The following CD2AP variants were observed in gnomAD, a reference collection of about 807,000 sequenced individuals.
CD2AP encodes CD2-associated protein.
In CD2AP, 46 loss-of-function variants were observed where a neutral mutation model predicts 85.1. The ratio of observed to expected loss-of-function variants is 0.54; its 90% CI spans 0.43 to 0.69. The LOEUF is 0.69. Ranked by LOEUF, CD2AP falls within the 30% of genes least tolerant of loss-of-function variation. The probability of loss-of-function intolerance (pLI) is 0.00; values close to 1 mark genes in which losing one functional copy is unlikely to be tolerated. For synonymous variants in CD2AP, 255 were observed against 252.9 expected, an observed-to-expected ratio of 1.01 and a Z score of -0.08; for missense variants, 769 against 729.5, an observed-to-expected ratio of 1.05 and a Z score of -0.62.
chr6:47,601,527 G>A (rs549857464), intron 13 of CD2AP, among the ~76,000 whole-genome samples: 1 of 151,946 alleles, frequency 6.6e-6, no homozygotes, highest in African/African-American at 2.4e-5. Context: ...ATCCTCAGTC[G>A]TGTTTTAGGC....
rs1768934035 is a variant in CD2AP at position 47,596,023 on chromosome 6, C to G, written c.1271C>G (p.Ala424Gly). The change falls in exon 12 of 18, where the codon GCC becomes GGC. Residue 424 changes from alanine (A) to glycine (G), a missense_variant. Physicochemically the swap from Ala to Gly is moderately conservative, Grantham distance 60 (BLOSUM62 0). Coordinates refer to ENST00000359314, the MANE Select transcript of CD2AP (RefSeq NM_012120.3). Reference sequence around the variant, plus strand: ...CCAGTTCCTCCACCACCTCCTATAGCCAAGTAAGTTTTACCTAATTTTAAA... The same window carrying G: ...CCAGTTCCTCCACCACCTCCTATAGGCAAGTAAGTTTTACCTAATTTTAAA... ...EKPVPPPPPI[A>G]KINGEVSSIS... The G allele has an allele frequency of 6.2e-7, 1 of 1,610,308 alleles. No homozygotes were observed. Among genetic ancestry groups the G allele is most frequent in the African/African-American group, 1.3e-5 (1 of 74,784 alleles).
At chr6:47,591,873 G>T (rs1768805174) in intron 11 of CD2AP, among the ~76,000 whole-genome samples, 1 of 152,104 alleles carries the variant, frequency 6.6e-6, no homozygotes, top group Admixed American at 6.6e-5. Flanking sequence ...TGTTGCCCAG[G>T]CTGGAGTGCA....
chr6:47,590,680 C>T (rs1337385295), intron 11 of CD2AP, among the ~76,000 whole-genome samples: 2 of 152,060 alleles, frequency 1.3e-5, no homozygotes, highest in Non-Finnish European at 2.9e-5. Flanking sequence ...AGCACCAATC[C>T]TCTGTATATA....
intron 17 of CD2AP, among the ~76,000 whole-genome samples, chr6:47,615,781 T>A (rs1001962544): frequency 1.0e-5 from 1 of 99,380 alleles, no homozygotes; most frequent in African/African-American, 3.2e-5. Flanking sequence ...ATTTTAATTT[T>A]AATTTAATTT....
chr6:47,595,766 C>T, intron 11 of CD2AP, 95 bp from the exon 12 acceptor site: 1 of 945,472 alleles, frequency 1.1e-6, no homozygotes, highest in South Asian at 1.4e-5. Context: ...ATGTCTGCCT[C>T]TGTCACACTT....
chr6:47,609,437 G>C, intron 16 of CD2AP, 133 bp downstream of exon 16: 1 of 663,218 alleles, frequency 1.5e-6, no homozygotes, highest in Non-Finnish European at 2.7e-6. Flanking sequence ...AGCACTTTGG[G>C]AGACCAAGTT....
chr6:47,574,131 A>T lies in CD2AP; in HGVS notation c.609A>T (p.Gly203=). The change falls in exon 6 of 18, where the codon GGA becomes GGT. Residue 203 remains glycine, a synonymous_variant. Coordinates refer to ENST00000359314, the MANE Select transcript of CD2AP (RefSeq NM_012120.3). The part of the protein sequence containing the change: ...SLGNVSETAS[G]SVTQPKKIRG... ...GAAATGTGAGTGAAACTGCATCTGGATCAGTTACACAGCCAAAGAAAATTC... is the reference window on the plus strand; with the variant it reads ...GAAATGTGAGTGAAACTGCATCTGGTTCAGTTACACAGCCAAAGAAAATTC... 6.2e-7 allele frequency: 1 copy of T among 1,613,988 alleles called. No individual in the cohort carries two copies. The highest frequency in any genetic ancestry group is 8.5e-7 in the Non-Finnish European group (1 of 1,179,874).
intron 1 of CD2AP, among the ~76,000 whole-genome samples, chr6:47,488,707 C>T (rs1765639186): frequency 8.4e-6 from 1 of 118,806 alleles, no homozygotes; most frequent in South Asian, 3.0e-4. Flanking sequence ...GGCAACAAAG[C>T]AAGACTCCAT....
intron 4 of CD2AP, among the ~76,000 whole-genome samples, chr6:47,546,333 C>T (rs984218606): frequency 7.2e-5 from 11 of 151,894 alleles, no homozygotes; most frequent in Non-Finnish European, 1.5e-4. Flanking sequence ...TGAACCAAGC[C>T]CCCAAGAAGT....
intron 5 of CD2AP, among the ~76,000 whole-genome samples, chr6:47,563,745 T>C (rs1045562823): frequency 9.9e-5 from 15 of 152,168 alleles, no homozygotes; most frequent in Non-Finnish European, 1.8e-4. Flanking sequence ...TACAAAGTAA[T>C]GAAAAAAGCG....
chr6:47,507,466 G>A (rs1473200281), intron 2 of CD2AP, among the ~76,000 whole-genome samples: 1 of 146,914 alleles, frequency 6.8e-6, no homozygotes, highest in Non-Finnish European at 1.5e-5. Flanking sequence ...ATAGCCTTAC[G>A]AAATGTGGGC....
At chr6:47,571,686 G>A (rs1768157405) in intron 5 of CD2AP, among the ~76,000 whole-genome samples, 1 of 152,156 alleles carries the variant, frequency 6.6e-6, no homozygotes, top group African/African-American at 2.4e-5. Flanking sequence ...TGAGCAGCTT[G>A]TGAAGAAAGA....
chr6:47,530,076 G>A (rs2114020211), intron 2 of CD2AP, among the ~76,000 whole-genome samples: 1 of 152,314 alleles, frequency 6.6e-6, no homozygotes, highest in South Asian at 2.1e-4. Context: ...CAGTAGAGAT[G>A]TCACTTTCTC....
chr6:47,575,420 A>C (rs2114097936), intron 6 of CD2AP, among the ~76,000 whole-genome samples: 1 of 152,278 alleles, frequency 6.6e-6, no homozygotes, highest in East Asian at 1.9e-4. Context: ...TCTACTACTC[A>C]AGAGTTGTTA....
chr6:47,592,699 C>T (rs1012820175), intron 11 of CD2AP, among the ~76,000 whole-genome samples: 12 of 152,034 alleles, frequency 7.9e-5, no homozygotes, highest in African/African-American at 2.9e-4. Context: ...CATTAAAAAC[C>T]CTAAACAACA....
rs1322019252 is a variant in CD2AP at position 47,625,662 on chromosome 6, T to G, written c.*1435T>G. On this transcript the variant is annotated 3_prime_UTR_variant, in exon 18 of 18. Coordinates refer to ENST00000359314, the MANE Select transcript of CD2AP (RefSeq NM_012120.3). ...GATCATGCTTCCATTTTTTTTAGTT[T>G]TAAACCACCAAACCAATATTTTTCC... 3 of 151,976 alleles carry G rather than the reference T, an allele frequency of 2.0e-5. No homozygotes were observed. The highest frequency in any genetic ancestry group is 7.2e-5 in the African/African-American group (3 of 41,560). The allele number at this position is 151,976 out of a possible 1,614,324, so 9.4% of individuals were successfully genotyped here. A position where few individuals can be genotyped will look rare whatever the true frequency, so the allele number is the denominator to read the frequency against.
chr6:47,520,379 A>G (rs1367190776), intron 2 of CD2AP, among the ~76,000 whole-genome samples: 1 of 152,234 alleles, frequency 6.6e-6, no homozygotes, highest in African/African-American at 2.4e-5. Flanking sequence ...GAATTGTGCC[A>G]AAGTCCAGTG....
Position 47,576,562 on chromosome 6 carries a change from T to C in CD2AP, c.768T>C (p.Ser256=). The C allele has an allele frequency of 6.2e-7, 1 of 1,612,816 alleles. No individual in the cohort carries two copies. The highest frequency in any genetic ancestry group is 1.1e-5 in the South Asian group (1 of 91,058). ...ILQSLGPKTQ[S]VEITKTDTEG... is the part of the protein sequence containing the mutation. Reference sequence around the variant, plus strand: ...AGTCACTGGGACCCAAAACTCAGAGTGTGGAGATAACAAAAACAGATACCG... The same window carrying C: ...AGTCACTGGGACCCAAAACTCAGAGCGTGGAGATAACAAAAACAGATACCG... The change falls in exon 7 of 18, where the codon AGT becomes AGC. Residue 256 remains serine, a synonymous_variant. Coordinates refer to ENST00000359314, the MANE Select transcript of CD2AP (RefSeq NM_012120.3).
intron 4 of CD2AP, among the ~76,000 whole-genome samples, chr6:47,547,527 A>G (rs1380208919): frequency 6.6e-6 from 1 of 151,950 alleles, no homozygotes; most frequent in Non-Finnish European, 1.5e-5. Context: ...TCTTTAGTTT[A>G]TAAGACAATT....
Sources: gnomAD v4.1 joint callset for allele counts (sites outside exome capture counted in the v4.1 genomes callset) on GRCh38, gnomAD v4.1.1 for gene constraint, MANE v1.5 for transcripts, NCBI Gene and HGNC (gene_info 2026-07-23, HGNC 2026-07-21) for gene names.